SGCZ: variants seen among roughly 807,000 people sequenced by gnomAD.
The protein encoded by SGCZ is zeta-sarcoglycan.
SGCZ carries 40 observed loss-of-function variants against 41.3 expected under a neutral mutation model. The ratio of observed to expected loss-of-function variants is 0.97; its 90% CI spans 0.75 to 1.26. SGCZ has a LOEUF of 1.26. Ranked by LOEUF, SGCZ falls within the 50% of genes most tolerant of loss-of-function variation. The pLI is 0.00. For synonymous variants in SGCZ, 206 were observed against 137.5 expected, an observed-to-expected ratio of 1.50 and a Z score of -3.49; for missense variants, 552 against 369.8, an observed-to-expected ratio of 1.49 and a Z score of -4.04.
intron 1 of SGCZ, among the ~76,000 whole-genome samples, chr8:14,831,156 C>T (rs940098700): frequency 3.7e-4 from 56 of 152,048 alleles, no homozygotes; most frequent in African/African-American, 1.3e-3. Flanking sequence ...ATGATGGAAA[C>T]TATGGATGAC....
rs528040867 is a variant in SGCZ at position 14,740,670 on chromosome 8, C to T, written c.40-185744G>A. Among the ~76,000 whole-genome samples the T allele has an allele frequency of 6.6e-5, 10 of 152,092 alleles. 1 individual carries two copies. In the South Asian group the frequency reaches 1.9e-3, roughly 28 times the overall value. On this transcript the variant is annotated intron_variant, in intron 1 of 7. Coordinates refer to ENST00000382080, the MANE Select transcript of SGCZ (RefSeq NM_139167.4). ...TTAGTCAACTCTGTGCTTTCTCAGT[C>T]GTCCTGGGATTGCTGGAGTGCTTAT...
chr8:14,769,411 CAA>C (rs1691982604), intron 1 of SGCZ, among the ~76,000 whole-genome samples: 1 of 152,106 alleles, frequency 6.6e-6, no homozygotes, highest in Non-Finnish European at 1.5e-5. Context: ...TAAAAAAGTT[CAA>C]AGACCAACAT....
chr8:14,725,955 A>C (rs1189064128), intron 1 of SGCZ, among the ~76,000 whole-genome samples: 1 of 152,116 alleles, frequency 6.6e-6, no homozygotes, highest in Non-Finnish European at 1.5e-5. Flanking sequence ...TTCACTTATT[A>C]AAGTAAAATA....
chr8:14,558,695 T>A (rs943639279), intron 1 of SGCZ, among the ~76,000 whole-genome samples: 1 of 150,544 alleles, frequency 6.6e-6, no homozygotes, highest in African/African-American at 2.4e-5. Flanking sequence ...AACAAAAAAC[T>A]ACGGACCAAT....
At chr8:14,174,625 C>A (rs932452783) in intron 4 of SGCZ, among the ~76,000 whole-genome samples, 6 of 152,022 alleles carry the variant, frequency 3.9e-5, no homozygotes, top group African/African-American at 1.4e-4. Flanking sequence ...AGAAACAACA[C>A]TGAGAAAATA....
At chr8:14,497,085 A>G (rs1035113025) in intron 2 of SGCZ, among the ~76,000 whole-genome samples, 1 of 152,186 alleles carries the variant, frequency 6.6e-6, no homozygotes. Flanking sequence ...TAGCCTCCTT[A>G]TGAAGACATC....
chr8:14,095,788 G>T (rs1801825166), intron 7 of SGCZ, among the ~76,000 whole-genome samples: 2 of 152,144 alleles, frequency 1.3e-5, no homozygotes, highest in African/African-American at 4.8e-5. Context: ...CTGAGCAGTG[G>T]CTTGTAGTTC....
chr8:14,099,882 C>G (rs1268355300), intron 7 of SGCZ, among the ~76,000 whole-genome samples: 2 of 152,172 alleles, frequency 1.3e-5, no homozygotes, highest in East Asian at 3.9e-4. Context: ...AATACTATGC[C>G]TGAAATGACT....
At chr8:15,026,138 C>T (rs1056474765) in intron 1 of SGCZ, among the ~76,000 whole-genome samples, 1 of 150,948 alleles carries the variant, frequency 6.6e-6, no homozygotes, top group African/African-American at 2.4e-5. Context: ...AAAAAAAGGA[C>T]TTTTGATGTT....
intron 1 of SGCZ, among the ~76,000 whole-genome samples, chr8:14,738,500 T>G (rs10104886): frequency 6.6e-6 from 1 of 152,110 alleles, no homozygotes; most frequent in Non-Finnish European, 1.5e-5. Context: ...AATTAACTAA[T>G]AACCCTTTCT....
chr8:15,083,372 T>C lies in SGCZ; in HGVS notation c.39+154213A>G, dbSNP rs77233319. On this transcript the variant is annotated intron_variant, in intron 1 of 7. Transcript: ENST00000382080. ...CCGATTTCAACACATATAATTCATA[T>C]AGCCTAAACTTTTTTCATTAAACAA... Among the ~76,000 whole-genome samples the C allele has an allele frequency of 6.1e-3, 936 of 152,334 alleles. 19 individuals are homozygous for C. The highest frequency in any genetic ancestry group is 0.021 in the African/African-American group (891 of 41,584).
At chr8:14,170,682 A>T (rs1160977066) in intron 4 of SGCZ, among the ~76,000 whole-genome samples, 2 of 152,180 alleles carry the variant, frequency 1.3e-5, no homozygotes. Flanking sequence ...CAAACATAAA[A>T]TGGCAATATT....
chr8:14,652,375 G>T, intron 1 of SGCZ, among the ~76,000 whole-genome samples: 1 of 143,864 alleles, frequency 7.0e-6, no homozygotes, highest in Non-Finnish European at 1.5e-5. Flanking sequence ...AGAAAACACT[G>T]AAATAATGCA....
At chr8:14,780,060 C>T (rs1800537416) in intron 1 of SGCZ, among the ~76,000 whole-genome samples, 1 of 151,940 alleles carries the variant, frequency 6.6e-6, no homozygotes, top group South Asian at 2.1e-4. Context: ...AGGCTGACTA[C>T]TGAAGAAGAG....
At chr8:14,810,682 T>G (rs1801712093) in intron 1 of SGCZ, among the ~76,000 whole-genome samples, 1 of 152,030 alleles carries the variant, frequency 6.6e-6, no homozygotes, top group Non-Finnish European at 1.5e-5. Context: ...GGATACATTA[T>G]TTTTCAACTT....
intron 1 of SGCZ, among the ~76,000 whole-genome samples, chr8:14,825,073 T>C (rs1296476927): frequency 6.6e-6 from 1 of 152,162 alleles, no homozygotes; most frequent in Non-Finnish European, 1.5e-5. Context: ...TTTCAGTTAA[T>C]ATCAGTTATT....
intron 1 of SGCZ, among the ~76,000 whole-genome samples, chr8:14,854,496 G>A (rs1803471854): frequency 6.6e-6 from 1 of 151,676 alleles, no homozygotes; most frequent in South Asian, 2.1e-4. Context: ...AAATATTAAG[G>A]CACTTCTTAG....
chr8:14,235,982 C>T (rs936831492), intron 4 of SGCZ, among the ~76,000 whole-genome samples: 1 of 152,142 alleles, frequency 6.6e-6, no homozygotes, highest in African/African-American at 2.4e-5. Context: ...CGTGCCTGAC[C>T]CTTAATTTAC....
intron 1 of SGCZ, among the ~76,000 whole-genome samples, chr8:14,577,384 C>CTTTTTTTT (rs57432939): frequency 1.8e-5 from 2 of 111,888 alleles, no homozygotes; most frequent in African/African-American, 3.6e-5. Flanking sequence ...AGAAATATAT[C>CTTTTTTTT]TTTTTTTTTT....
Sources: allele counts gnomAD v4.1 joint callset (sites outside exome capture counted in the v4.1 genomes callset), GRCh38; gene constraint gnomAD v4.1.1; transcripts MANE v1.5; gene names NCBI Gene and HGNC (gene_info 2026-07-23, HGNC 2026-07-21).